The following GRIA1 variants were observed in gnomAD, a reference collection of about 807,000 sequenced individuals.
The protein encoded by GRIA1 is glutamate ionotropic receptor AMPA type subunit 1, also known as glutamate receptor 1.
GRIA1 carries 31 observed loss-of-function variants against 99.2 expected under a neutral mutation model. The ratio of observed to expected loss-of-function variants is 0.31; its 90% CI spans 0.23 to 0.42. The LOEUF is 0.42. Among genes scored for constraint, GRIA1 ranks in the 10% least tolerant of loss-of-function variants. The probability of loss-of-function intolerance (pLI) is 1.00; values close to 1 mark genes in which losing one functional copy is unlikely to be tolerated. For missense variants in GRIA1, 782 were observed against 1,157.5 expected (o/e 0.68, Z 4.71); for synonymous variants, 438 against 432.4 (o/e 1.01, Z -0.16).
chr5:153,689,310 A>T (rs1171265484), intron 8 of GRIA1, among the ~76,000 whole-genome samples: 1 of 152,156 alleles, frequency 6.6e-6, no homozygotes, highest in African/African-American at 2.4e-5. Flanking sequence ...CTAGATAGAA[A>T]ATTGTTGACC....
At chr5:153,688,765 A>G (rs1241208369) in intron 8 of GRIA1, among the ~76,000 whole-genome samples, 3 of 150,484 alleles carry the variant, frequency 2.0e-5, no homozygotes, top group African/African-American at 7.4e-5. Context: ...TGTCGCTCAG[A>G]CTGGAGTGCA....
rs960833805 is a variant in GRIA1, at chr5:153,494,017, C to A, written c.172C>A (p.Gln58Lys). 5 of 1,614,094 alleles carry A rather than the reference C, an allele frequency of 3.1e-6. No homozygotes were observed. Among genetic ancestry groups the A allele is most frequent in the Non-Finnish European group, 3.4e-6 (4 of 1,179,948 alleles). Reference protein sequence around the residue: ...QLTEPPKLLPQIDIVNISDSF... With the variant: ...QLTEPPKLLPKIDIVNISDSF... ...CACAGAGCCCCCGAAGCTGCTCCCC[C>A]AGATTGATATTGTGAACATCAGCGA... is the stretch of plus-strand genomic sequence containing the variant. Residue 58 changes from glutamine to lysine, a missense_variant, in exon 2 of 16, where the codon CAG (glutamine) becomes AAG (lysine). Transcript: ENST00000285900.
intron 2 of GRIA1, among the ~76,000 whole-genome samples, chr5:153,501,456 A>G (rs1399758160): frequency 1.3e-5 from 2 of 152,030 alleles, no homozygotes; most frequent in African/African-American, 4.8e-5. Context: ...GAACAGGAGG[A>G]GTGTTTGAGA....
intron 11 of GRIA1, among the ~76,000 whole-genome samples, chr5:153,760,049 A>G (rs1315728652): frequency 6.6e-6 from 1 of 152,022 alleles, no homozygotes; most frequent in Non-Finnish European, 1.5e-5. Flanking sequence ...AAATACCTCC[A>G]CACAATAAAG....
At chr5:153,496,576 G>A (rs1385781809) in intron 2 of GRIA1, among the ~76,000 whole-genome samples, 1 of 152,172 alleles carries the variant, frequency 6.6e-6, no homozygotes, top group African/African-American at 2.4e-5. Context: ...AGGTGGAAAT[G>A]GTGGCCTGGC....
At chr5:153,560,924 C>T (rs1255486453) in intron 2 of GRIA1, among the ~76,000 whole-genome samples, 3 of 152,180 alleles carry the variant, frequency 2.0e-5, no homozygotes, top group Admixed American at 6.5e-5. Context: ...CAAGTCAAAG[C>T]TTCAGGCTGA....
At chr5:153,680,653 C>A (rs1196923739) in intron 7 of GRIA1, among the ~76,000 whole-genome samples, 3 of 152,060 alleles carry the variant, frequency 2.0e-5, no homozygotes, top group African/African-American at 4.8e-5. Flanking sequence ...TGCCAGCCAA[C>A]AATCAAGCAT....
chr5:153,593,812 G>A (rs768188210), intron 2 of GRIA1, among the ~76,000 whole-genome samples: 4 of 152,102 alleles, frequency 2.6e-5, no homozygotes, highest in Non-Finnish European at 4.4e-5. Flanking sequence ...CTTTTCGCTA[G>A]TTCAGGCTCT....
At chr5:153,509,427 T>C (rs1314666072) in intron 2 of GRIA1, among the ~76,000 whole-genome samples, 2 of 152,208 alleles carry the variant, frequency 1.3e-5, no homozygotes, top group East Asian at 3.9e-4. Flanking sequence ...CTGATTTCCT[T>C]TTCTCTTATC....
chr5:153,773,489 T>A (rs115480926), intron 13 of GRIA1, among the ~76,000 whole-genome samples: 1 of 152,174 alleles, frequency 6.6e-6, no homozygotes. Flanking sequence ...AGGCAAAAGG[T>A]GATAATGGAC....
intron 11 of GRIA1, among the ~76,000 whole-genome samples, chr5:153,754,338 G>C (rs1186711145): frequency 1.3e-5 from 2 of 152,132 alleles, no homozygotes; most frequent in African/African-American, 4.8e-5. Context: ...TCTTCCCCTA[G>C]CTCTCCAGTT....
At position 153,811,196 on chromosome 5, in the gene GRIA1, G is replaced by A. The variant is rs372524158; in HGVS notation, c.2692G>A (p.Gly898Arg). Residue 898 changes from glycine (G) to arginine (R), a missense_variant, in exon 16 of 16, where the codon GGG (glycine) becomes AGG (arginine). Transcript: ENST00000285900. ...QSIPCMSHSSGMPLGATGL is the reference protein window; with the variant it reads ...QSIPCMSHSSRMPLGATGL ...GATTCCTTGCATGAGCCACAGTTCA[G>A]GGATGCCCTTGGGAGCCACGGGATT... 3.1e-6 allele frequency: 5 copies of A among 1,613,992 alleles called. No individual in the cohort carries two copies. In the African/African-American group the frequency reaches 6.7e-5, roughly 22 times the overall value.
intron 11 of GRIA1, among the ~76,000 whole-genome samples, chr5:153,721,793 G>A (rs1456954921): frequency 6.6e-6 from 1 of 152,144 alleles, no homozygotes; most frequent in African/African-American, 2.4e-5. Flanking sequence ...TGTTCCCAGT[G>A]TAAGGCCATT....
intron 15 of GRIA1, among the ~76,000 whole-genome samples, chr5:153,810,077 G>A (rs989771041): frequency 7.9e-5 from 12 of 152,160 alleles, no homozygotes; most frequent in East Asian, 1.9e-4. Context: ...TCAACAGAAC[G>A]CTTCCTCTTG....
intron 2 of GRIA1, among the ~76,000 whole-genome samples, chr5:153,602,431 A>G (rs1156500585): frequency 2.0e-5 from 3 of 152,060 alleles, no homozygotes; most frequent in African/African-American, 7.2e-5. Flanking sequence ...CCTAATGCTA[A>G]ATGACGAGTT....
At chr5:153,722,353 T>C (rs1760133166) in intron 11 of GRIA1, among the ~76,000 whole-genome samples, 1 of 152,200 alleles carries the variant, frequency 6.6e-6, no homozygotes. Context: ...TTTTTCTTTA[T>C]GCCTAGTACT....
chr5:153,607,681 C>G (rs1409481666), intron 2 of GRIA1, among the ~76,000 whole-genome samples: 1 of 152,042 alleles, frequency 6.6e-6, no homozygotes, highest in Non-Finnish European at 1.5e-5. Flanking sequence ...CACTTACACC[C>G]TTTTCCCAGA....
chr5:153,660,030 G>A (rs915905249), intron 5 of GRIA1, among the ~76,000 whole-genome samples: 2 of 152,128 alleles, frequency 1.3e-5, no homozygotes. Flanking sequence ...AGTAAACAAG[G>A]TGGAATTCAT....
chr5:153,568,875 G>A (rs189689925), intron 2 of GRIA1, among the ~76,000 whole-genome samples: 52 of 152,128 alleles, frequency 3.4e-4, no homozygotes, highest in Non-Finnish European at 6.2e-4. Context: ...CTCCAAACAC[G>A]TTTCCCAGAG....
Sources: gnomAD v4.1 joint callset for allele counts (sites outside exome capture counted in the v4.1 genomes callset) on GRCh38, gnomAD v4.1.1 for gene constraint, MANE v1.5 for transcripts, NCBI Gene and HGNC (gene_info 2026-07-23, HGNC 2026-07-21) for gene names.